Variants in ITGA8 observed in about 807,000 individuals in gnomAD.
ITGA8 encodes integrin alpha-8.
In ITGA8, 91 loss-of-function variants were observed where a neutral mutation model predicts 142.3. That is an observed-to-expected ratio of 0.64 (90% confidence interval 0.54 to 0.76). The LOEUF (loss-of-function observed/expected upper bound fraction) is 0.76. Among genes scored for constraint, ITGA8 ranks in the 30% least tolerant of loss-of-function variants. The pLI is 0.00. For synonymous variants in ITGA8, 505 were observed against 485.2 expected (o/e 1.04, Z -0.54); for missense variants, 1,406 against 1,327.7 (o/e 1.06, Z -0.92).
chr10:15,698,269 G>A (rs190467080), intron 2 of ITGA8, among the ~76,000 whole-genome samples: 43 of 152,214 alleles, frequency 2.8e-4, no homozygotes, highest in African/African-American at 8.4e-4. Context: ...GTAGTATTCC[G>A]TGGTGTATAA....
chr10:15,531,722 G>C (rs958091560), intron 27 of ITGA8, among the ~76,000 whole-genome samples: 36 of 151,962 alleles, frequency 2.4e-4, no homozygotes, highest in African/African-American at 7.0e-4. Flanking sequence ...TGGATCCCCT[G>C]AGGTCAGGAG....
chr10:15,607,937 T>A, intron 16 of ITGA8, 106 bp from the exon 17 acceptor site: 1 of 978,098 alleles, frequency 1.0e-6, no homozygotes, highest in African/African-American at 1.6e-5. Flanking sequence ...CAGTTCTTTT[T>A]CATAGTTGAG....
chr10:15,719,427 G>C, intron 1 of ITGA8, 136 bp downstream of exon 1: 1 of 697,334 alleles, frequency 1.4e-6, no homozygotes, highest in Non-Finnish European at 2.2e-6. Context: ...GCTGGTGGCG[G>C]GGAGAGGGAC....
chr10:15,577,816 A>T (rs902949663), intron 23 of ITGA8, among the ~76,000 whole-genome samples: 1 of 152,188 alleles, frequency 6.6e-6, no homozygotes, highest in African/African-American at 2.4e-5. Flanking sequence ...CCCTCACTGC[A>T]TAGCCTTCCG....
chr10:15,662,305 A>T (rs1036804077), intron 8 of ITGA8, among the ~76,000 whole-genome samples: 1 of 149,308 alleles, frequency 6.7e-6, no homozygotes, highest in African/African-American at 2.5e-5. Context: ...CAATAACTCA[A>T]GGTGAAATCT....
intron 2 of ITGA8, among the ~76,000 whole-genome samples, chr10:15,695,651 C>T (rs911868578): frequency 1.3e-5 from 2 of 152,178 alleles, no homozygotes; most frequent in Non-Finnish European, 2.9e-5. Context: ...TTAGCCCTTC[C>T]AGTCTCTTCT....
chr10:15,633,089 C>G lies in ITGA8; in HGVS notation c.1399+10941G>C, dbSNP rs184053277. Reference sequence around the variant, plus strand: ...GTCCTTAAAGCACCACTTTGGAATACAGAGCATATATCTTTTTCCATTACT... The same window carrying G: ...GTCCTTAAAGCACCACTTTGGAATAGAGAGCATATATCTTTTTCCATTACT... On this transcript the variant is annotated intron_variant, in intron 13 of 29. Transcript: ENST00000378076. 6.6e-5 allele frequency among the ~76,000 whole-genome samples: 10 copies of G among 152,330 alleles called. No homozygotes were observed. In the East Asian group the frequency reaches 1.9e-3, roughly 29 times the overall value.
intron 13 of ITGA8, 115 bp from the exon 14 acceptor site, chr10:15,616,674 C>T: frequency 1.2e-6 from 1 of 820,942 alleles, no homozygotes; most frequent in Non-Finnish European, 2.1e-6. Flanking sequence ...ACGAGAGCCA[C>T]AAAATTAGAA....
At chr10:15,621,133 A>G (rs1187959668) in intron 13 of ITGA8, among the ~76,000 whole-genome samples, 1 of 150,390 alleles carries the variant, frequency 6.6e-6, no homozygotes, top group Non-Finnish European at 1.5e-5. Context: ...CAAATAAAAA[A>G]CTTTGCCTTT....
At chr10:15,718,106 C>T (rs1043947893) in intron 2 of ITGA8, among the ~76,000 whole-genome samples, 3 of 152,142 alleles carry the variant, frequency 2.0e-5, no homozygotes, top group Admixed American at 6.5e-5. Context: ...AAATTATTTT[C>T]TCAGGCTCTA....
rs1564388795 is a variant in ITGA8 at position 15,644,457 on chromosome 10, T to C, written c.1208-236A>G. Among the ~76,000 whole-genome samples the C allele has an allele frequency of 2.8e-3, 24 of 8,566 alleles. 3 individuals carry two copies. In the East Asian group the frequency reaches 0.048, roughly 17 times the overall value. 5.6% of individuals were successfully genotyped at this position (8,566 alleles called of 152,430 possible). ...TAATATATATATATATATATATATA[T>C]ATATATATATATATATATATATATA... On this transcript the variant is annotated intron_variant, in intron 12 of 29. Coordinates refer to ENST00000378076, the MANE Select transcript of ITGA8 (RefSeq NM_003638.3).
intron 13 of ITGA8, among the ~76,000 whole-genome samples, chr10:15,624,195 C>T (rs1032881463): frequency 6.6e-6 from 1 of 152,202 alleles, no homozygotes; most frequent in Non-Finnish European, 1.5e-5. Flanking sequence ...CTCTTTGAAT[C>T]TCTCTAAAAC....
intron 2 of ITGA8, among the ~76,000 whole-genome samples, chr10:15,697,095 T>A (rs938182624): frequency 6.7e-6 from 1 of 148,960 alleles, no homozygotes; most frequent in African/African-American, 2.5e-5. Context: ...ATTGCTACAC[T>A]GTGACACCAA....
intron 8 of ITGA8, among the ~76,000 whole-genome samples, chr10:15,666,426 G>C (rs548381751): frequency 6.6e-6 from 1 of 152,118 alleles, no homozygotes; most frequent in Admixed American, 6.5e-5. Flanking sequence ...GGGCTGAGAC[G>C]ATGGGGTTTT....
chr10:15,635,604 C>G (rs1189953619), intron 13 of ITGA8, among the ~76,000 whole-genome samples: 2 of 151,672 alleles, frequency 1.3e-5, no homozygotes, highest in East Asian at 1.9e-4. Flanking sequence ...AAGAGCTCTC[C>G]CAGTTGAATT....
chr10:15,547,652 G>A (rs1253744648), intron 27 of ITGA8, among the ~76,000 whole-genome samples: 1 of 152,204 alleles, frequency 6.6e-6, no homozygotes, highest in Admixed American at 6.5e-5. Flanking sequence ...GCCAACCACA[G>A]GAGTGGTGCA....
intron 26 of ITGA8, among the ~76,000 whole-genome samples, chr10:15,556,834 A>G (rs1398179893): frequency 6.6e-6 from 1 of 152,204 alleles, no homozygotes; most frequent in Non-Finnish European, 1.5e-5. Context: ...CCTGTTCACC[A>G]TCCCCACTTC....
chr10:15,551,536 G>T (rs1484923779), intron 26 of ITGA8, among the ~76,000 whole-genome samples: 1 of 152,034 alleles, frequency 6.6e-6, no homozygotes, highest in East Asian at 1.9e-4. Context: ...GGAGATGGAG[G>T]TGATAGCTAC....
At chr10:15,649,165 C>A (rs1834040691) in intron 11 of ITGA8, among the ~76,000 whole-genome samples, 1 of 151,986 alleles carries the variant, frequency 6.6e-6, no homozygotes, top group African/African-American at 2.4e-5. Context: ...GTGCTAGGGG[C>A]ATTCCAACTA....
Sources: allele counts gnomAD v4.1 joint callset (sites outside exome capture counted in the v4.1 genomes callset), GRCh38; gene constraint gnomAD v4.1.1; transcripts MANE v1.5; gene names NCBI Gene and HGNC (gene_info 2026-07-23, HGNC 2026-07-21).